The following RABGAP1L variants were observed in gnomAD, a reference collection of about 807,000 sequenced individuals.
RABGAP1L encodes RAB GTPase activating protein 1 like, also known as rab GTPase-activating protein 1-like.
Under a neutral mutation model 137.7 loss-of-function variants are expected in RABGAP1L, and 63 were observed. The ratio of observed to expected loss-of-function variants is 0.46; its 90% CI spans 0.37 to 0.56. RABGAP1L has a LOEUF of 0.56. RABGAP1L is among the 20% of genes least tolerant of loss of function. The pLI is 0.00. For synonymous variants in RABGAP1L, 431 were observed against 433.7 expected, an observed-to-expected ratio of 0.99 and a Z score of 0.08; for missense variants, 1,095 against 1,244.0, an observed-to-expected ratio of 0.88 and a Z score of 1.80.
At chr1:174,236,602 G>T (rs1297614950) in intron 4 of RABGAP1L, among the ~76,000 whole-genome samples, 2 of 151,224 alleles carry the variant, frequency 1.3e-5, no homozygotes, top group Non-Finnish European at 3.0e-5. Context: ...TTAATCCTGA[G>T]TTCTAGTTTG....
chr1:174,474,516 T>C (rs7515116), intron 13 of RABGAP1L, among the ~76,000 whole-genome samples: 53,662 of 152,076 alleles, frequency 0.35, 12,121 homozygotes, highest in African/African-American at 0.64. Flanking sequence ...ACTGAAATAA[T>C]GTGAATTTGT....
intron 13 of RABGAP1L, among the ~76,000 whole-genome samples, chr1:174,417,610 A>T (rs777458342): frequency 1.3e-5 from 2 of 152,202 alleles, no homozygotes; most frequent in Non-Finnish European, 2.9e-5. Context: ...CTCTGGGCTT[A>T]TATTTTTAAT....
chr1:174,620,790 A>G (rs1017577841), intron 13 of RABGAP1L, among the ~76,000 whole-genome samples: 1 of 150,430 alleles, frequency 6.6e-6, no homozygotes, highest in Non-Finnish European at 1.5e-5. Flanking sequence ...AGATCAGAGC[A>G]GAAATGAAGG....
chr1:174,624,533 C>T (rs749282828), intron 13 of RABGAP1L, among the ~76,000 whole-genome samples: 4 of 152,006 alleles, frequency 2.6e-5, no homozygotes, highest in Non-Finnish European at 5.9e-5. Flanking sequence ...TTCATATAGA[C>T]TTGCAAGTAG....
chr1:174,461,679 TGG>T (rs1656708484), intron 13 of RABGAP1L, among the ~76,000 whole-genome samples: 1 of 152,182 alleles, frequency 6.6e-6, no homozygotes, highest in Non-Finnish European at 1.5e-5. Context: ...AGGGTATGGT[TGG>T]ACTGAAGATT....
intron 12 of RABGAP1L, among the ~76,000 whole-genome samples, chr1:174,391,161 A>C (rs1273093387): frequency 6.6e-6 from 1 of 152,110 alleles, no homozygotes; most frequent in African/African-American, 2.4e-5. Flanking sequence ...TTAAGTGAAA[A>C]CTTTTCAAGG....
chr1:174,596,422 C>T (rs1472598794), intron 13 of RABGAP1L, among the ~76,000 whole-genome samples: 2 of 152,148 alleles, frequency 1.3e-5, no homozygotes, highest in African/African-American at 4.8e-5. Context: ...TCTTATTGTA[C>T]AGATCTTTCA....
chr1:174,601,581 C>T (rs1037104795), intron 13 of RABGAP1L, among the ~76,000 whole-genome samples: 4 of 152,198 alleles, frequency 2.6e-5, no homozygotes, highest in South Asian at 2.1e-4. Context: ...ACCAACATGG[C>T]ATATGTACAC....
chr1:174,522,369 G>A (rs972792904), intron 13 of RABGAP1L, among the ~76,000 whole-genome samples: 1 of 152,034 alleles, frequency 6.6e-6, no homozygotes, highest in African/African-American at 2.4e-5. Context: ...GTGAGCTCAG[G>A]TGTTCGAGAC....
At chr1:174,579,209 G>C (rs1668572015) in intron 13 of RABGAP1L, among the ~76,000 whole-genome samples, 1 of 152,068 alleles carries the variant, frequency 6.6e-6, no homozygotes, top group Admixed American at 6.6e-5. Flanking sequence ...GGTACAAAGG[G>C]ATTTGATTAT....
At position 174,195,574 on chromosome 1, in the gene RABGAP1L, A is replaced by ATTCTTTCTTTCTTTCT. The variant is rs201213056; in HGVS notation, c.-33-23521_-33-23506dup. Among the ~76,000 whole-genome samples, 289 of 74,412 alleles carry ATTCTTTCTTTCTTTCT rather than the reference A, an allele frequency of 3.9e-3. 26 individuals are homozygous for ATTCTTTCTTTCTTTCT. The highest frequency in any genetic ancestry group is 0.014 in the Middle Eastern group (2 of 142). The allele number at this position is 74,412 out of a possible 152,430, so 48.8% of individuals were successfully genotyped here. Reference sequence around the variant, plus strand: ...TAACTTTGGGTAGGGTTCTTAATCAATTCTTTCTTTCTTTCTTTCTTTCTT... The same window carrying ATTCTTTCTTTCTTTCT: ...TAACTTTGGGTAGGGTTCTTAATCAATTCTTTCTTTCTTTCTTTCTTTCTTTCTTTCTTTCTTTCTT... On this transcript the variant is annotated intron_variant, in intron 1 of 25. Transcript: ENST00000681986.
chr1:174,201,291 T>TACTCA, intron 1 of RABGAP1L, among the ~76,000 whole-genome samples: 1 of 150,626 alleles, frequency 6.6e-6, no homozygotes. Context: ...GATGGAGTCT[T>TACTCA]ACTCAAGTGA....
At chr1:174,759,132 T>C (rs1256063561) in intron 18 of RABGAP1L, among the ~76,000 whole-genome samples, 1 of 152,052 alleles carries the variant, frequency 6.6e-6, no homozygotes, top group Non-Finnish European at 1.5e-5. Context: ...GTTCTAGACA[T>C]TGGAGATAAA....
chr1:174,313,194 G>T (rs1162823251), intron 11 of RABGAP1L, among the ~76,000 whole-genome samples: 4 of 152,014 alleles, frequency 2.6e-5, no homozygotes, highest in Non-Finnish European at 5.9e-5. Flanking sequence ...AAAGTGCTGG[G>T]ATTACAGGCA....
chr1:174,298,081 C>T (rs1298386178), intron 10 of RABGAP1L, among the ~76,000 whole-genome samples: 1 of 152,068 alleles, frequency 6.6e-6, no homozygotes, highest in Non-Finnish European at 1.5e-5. Flanking sequence ...TAAAGGACTC[C>T]TAGGGGTCCA....
chr1:174,781,259 A>C (rs1189946772), intron 18 of RABGAP1L, among the ~76,000 whole-genome samples: 1 of 152,186 alleles, frequency 6.6e-6, no homozygotes, highest in African/African-American at 2.4e-5. Flanking sequence ...AATGATCGCC[A>C]TTCTAACTGG....
intron 11 of RABGAP1L, among the ~76,000 whole-genome samples, chr1:174,346,123 A>G (rs1190075869): frequency 6.6e-6 from 1 of 152,026 alleles, no homozygotes; most frequent in Non-Finnish European, 1.5e-5. Context: ...GATCTTTTTA[A>G]TGTGTTGCTG....
In RABGAP1L at chr1:174,437,738, G is replaced by A. The variant is rs191181485; in HGVS notation, c.1710+43593G>A. On this transcript the variant is annotated intron_variant, in intron 13 of 25. Transcript: ENST00000681986. ...AGAGAAAACCACAAAGATACTCCTC[G>A]AGAAGAGCAACTCCAAGACACATAA... Among the ~76,000 whole-genome samples the A allele has an allele frequency of 6.9e-4, 105 of 152,210 alleles. 1 individual carries two copies. Among genetic ancestry groups the A allele is most frequent in the African/African-American group, 2.3e-3 (95 of 41,528 alleles).
At chr1:174,774,475 C>T (rs1336054701) in intron 18 of RABGAP1L, among the ~76,000 whole-genome samples, 1 of 151,914 alleles carries the variant, frequency 6.6e-6, no homozygotes, top group African/African-American at 2.4e-5. Flanking sequence ...CCTGGCATTG[C>T]ACTCCGGTGA....
Sources: allele counts gnomAD v4.1 joint callset (sites outside exome capture counted in the v4.1 genomes callset), GRCh38; gene constraint gnomAD v4.1.1; transcripts MANE v1.5; gene names NCBI Gene and HGNC (gene_info 2026-07-23, HGNC 2026-07-21).